KBTBD3: variants seen among roughly 807,000 people sequenced by gnomAD.
KBTBD3 encodes kelch repeat and BTB domain-containing protein 3.
KBTBD3 carries 38 observed loss-of-function variants against 49.6 expected under a neutral mutation model. The observed-to-expected ratio is 0.77, with a 90% CI of 0.59 to 1.00. The LOEUF (loss-of-function observed/expected upper bound fraction) is 1.00. Among genes scored for constraint, KBTBD3 ranks in the 50% least tolerant of loss-of-function variants. KBTBD3 has a pLI of 0.00. For synonymous variants in KBTBD3, 214 were observed against 250.4 expected (o/e 0.85, Z 1.37); for missense variants, 661 against 712.0 (o/e 0.93, Z 0.81).
At chr11:106,071,947 A>C (rs897705515) in intron 2 of KBTBD3, among the ~76,000 whole-genome samples, 1 of 152,186 alleles carries the variant, frequency 6.6e-6, no homozygotes, top group African/African-American at 2.4e-5. Flanking sequence ...ATTCTTGGCA[A>C]AAGATTTATA....
chr11:106,075,333 C>T (rs1050967918), intron 2 of KBTBD3, among the ~76,000 whole-genome samples: 1 of 152,076 alleles, frequency 6.6e-6, no homozygotes, highest in Non-Finnish European at 1.5e-5. Context: ...GAAGTAAAGG[C>T]AGATAGAATA....
intron 2 of KBTBD3, among the ~76,000 whole-genome samples, chr11:106,060,243 C>T (rs926283279): frequency 6.6e-6 from 1 of 151,248 alleles, no homozygotes; most frequent in Non-Finnish European, 1.5e-5. Context: ...CTATTTAATA[C>T]ACATATTCAT....
chr11:106,054,610 A>T (rs1220170249), intron 3 of KBTBD3, among the ~76,000 whole-genome samples, 155 bp from the exon 4 acceptor site: 2 of 150,350 alleles, frequency 1.3e-5, no homozygotes, highest in African/African-American at 5.0e-5. Flanking sequence ...ATAATTATAT[A>T]ATATATTATT....
At chr11:106,070,782 T>C (rs991026434) in intron 2 of KBTBD3, among the ~76,000 whole-genome samples, 1 of 152,122 alleles carries the variant, frequency 6.6e-6, no homozygotes, top group Non-Finnish European at 1.5e-5. Context: ...TTCATTTGTA[T>C]AGCCAAAAGC....
At chr11:106,055,336 A>G (rs1860530021) in intron 3 of KBTBD3, among the ~76,000 whole-genome samples, 1 of 152,138 alleles carries the variant, frequency 6.6e-6, no homozygotes, top group Non-Finnish European at 1.5e-5. Context: ...TTGTGCCAGT[A>G]TTGTCCAGGA....
chr11:106,058,478 G>A (rs1160318285), intron 3 of KBTBD3, among the ~76,000 whole-genome samples: 1 of 151,722 alleles, frequency 6.6e-6, no homozygotes, highest in Non-Finnish European at 1.5e-5. Flanking sequence ...AGGCTGGAGT[G>A]CGGTGGCGCG....
In KBTBD3 at chr11:106,053,249, A is replaced by G; in HGVS notation, c.1440T>C (p.Asn480=). ...GTTCAGACCACTGATCAGTTGTAGC[A>G]TTGTATTTAAAAAAGCAATCAAGTG... ...NPSLDCFFKY[N]ATTDQWSELV... The change falls in exon 4 of 4, where the codon AAT becomes AAC. Residue 480 remains asparagine (N), a synonymous_variant. Coordinates refer to ENST00000531837, the MANE Select transcript of KBTBD3 (RefSeq NM_198439.3). 2 of 1,613,724 alleles carry G rather than the reference A, an allele frequency of 1.2e-6. No individual in the cohort carries two copies. Among genetic ancestry groups the G allele is most frequent in the Middle Eastern group, 1.6e-4 (1 of 6,062 alleles).
chr11:106,067,814 A>G (rs1384523472), intron 2 of KBTBD3, among the ~76,000 whole-genome samples: 1 of 152,226 alleles, frequency 6.6e-6, no homozygotes, highest in Non-Finnish European at 1.5e-5. Flanking sequence ...AGTGGTCTAC[A>G]TATACCAATT....
At chr11:106,060,074 C>T (rs1423104490) in intron 2 of KBTBD3, among the ~76,000 whole-genome samples, 1 of 152,090 alleles carries the variant, frequency 6.6e-6, no homozygotes, top group Admixed American at 6.6e-5. Flanking sequence ...GGTTACATGT[C>T]CAGTATGGTT....
chr11:106,060,314 A>C (rs1486009058), intron 2 of KBTBD3, among the ~76,000 whole-genome samples: 1 of 152,070 alleles, frequency 6.6e-6, no homozygotes, highest in Non-Finnish European at 1.5e-5. Context: ...AAAATATATA[A>C]ATGGATAACT....
At chr11:106,065,621 G>C (rs1006575229) in intron 2 of KBTBD3, among the ~76,000 whole-genome samples, 5 of 152,124 alleles carry the variant, frequency 3.3e-5, no homozygotes, top group African/African-American at 1.2e-4. Context: ...TTAGAGTGGA[G>C]TTAAGTGGAA....
intron 3 of KBTBD3, chr11:106,058,644 G>A (rs1223786801): frequency 4.3e-6 from 2 of 470,140 alleles, no homozygotes; most frequent in Non-Finnish European, 7.3e-6. Flanking sequence ...GGCTGGTCTT[G>A]AAGTCCTGAC....
chr11:106,062,985 CT>C (rs1320857776), intron 2 of KBTBD3, among the ~76,000 whole-genome samples: 4 of 152,180 alleles, frequency 2.6e-5, no homozygotes, highest in Non-Finnish European at 5.9e-5. Flanking sequence ...GTTTTCTCTT[CT>C]TTTCTAATAT....
rs1392995286 is a variant in KBTBD3 at position 106,053,377 on chromosome 11, T to C, written c.1312A>G (p.Ser438Gly). The C allele has an allele frequency of 1.2e-6, 2 of 1,613,362 alleles. No individual in the cohort carries two copies. The highest frequency in any genetic ancestry group is 1.7e-6 in the Non-Finnish European group (2 of 1,179,786). ...NPLSKEWISVSPLPRGIYYPE... is the reference protein window; with the variant it reads ...NPLSKEWISVGPLPRGIYYPE... ...TAGTATATGCCTCTGGGTAATGGGC[T>C]AACAGATATCCATTCTTTGGAAAGA... The change falls in exon 4 of 4, where the codon AGC becomes GGC. Residue 438 changes from serine to glycine, a missense_variant. Coordinates refer to ENST00000531837, the MANE Select transcript of KBTBD3 (RefSeq NM_198439.3).
rs774463079 is a variant in KBTBD3 at position 106,059,084 on chromosome 11, A to C, written c.14T>G (p.Met5Arg). ...TTGATTGAAAGCATATGAATTATCC[A>C]TAGCCAATTCCATATGTCCTTAGAA... MELA[M>R]DNSYAFNQRS... The change falls in exon 3 of 4, where the codon ATG becomes AGG. Residue 5 changes from methionine to arginine, a missense_variant. Met to Arg is a moderately conservative substitution (Grantham distance 91). Transcript: ENST00000531837. 22 of 1,549,020 alleles carry C rather than the reference A, an allele frequency of 1.4e-5. No individual in the cohort carries two copies. The highest frequency in any genetic ancestry group is 4.3e-5 in the African/African-American group (3 of 70,462).
At chr11:106,074,068 T>C (rs1860977449) in intron 2 of KBTBD3, among the ~76,000 whole-genome samples, 1 of 151,692 alleles carries the variant, frequency 6.6e-6, no homozygotes, top group South Asian at 2.1e-4. Context: ...AAAAACAACA[T>C]AGACAAGGTC....
chr11:106,074,350 C>T (rs1282901968), intron 2 of KBTBD3, among the ~76,000 whole-genome samples: 1 of 152,188 alleles, frequency 6.6e-6, no homozygotes, highest in Non-Finnish European at 1.5e-5. Context: ...GTTATCGTCT[C>T]AACCCACTAC....
Position 106,051,428 on chromosome 11 carries a change from T to C in KBTBD3, c.*1422A>G, listed in dbSNP as rs1426415415. ...TGAAAAATACATTTGGAACTTATCG[T>C]TGCATAAATTTATATGATAAAATAA... On this transcript the variant is annotated 3_prime_UTR_variant, in exon 4 of 4. Transcript: ENST00000531837. 6.6e-6 allele frequency: 1 copy of C among 151,950 alleles called. No homozygotes were observed. Among genetic ancestry groups the C allele is most frequent in the Non-Finnish European group, 1.5e-5 (1 of 67,872 alleles). The allele number at this position is 151,950 out of a possible 1,614,324, so 9.4% of individuals were successfully genotyped here. A position where few individuals can be genotyped will look rare whatever the true frequency, so the allele number is the denominator to read the frequency against.
chr11:106,068,143 C>T (rs1303206548), intron 2 of KBTBD3, among the ~76,000 whole-genome samples: 1 of 151,588 alleles, frequency 6.6e-6, no homozygotes, highest in Non-Finnish European at 1.5e-5. Context: ...GACAAATCCA[C>T]TATTATAGCT....
Sources: gnomAD v4.1 joint callset for allele counts (sites outside exome capture counted in the v4.1 genomes callset) on GRCh38, gnomAD v4.1.1 for gene constraint, MANE v1.5 for transcripts, NCBI Gene and HGNC (gene_info 2026-07-23, HGNC 2026-07-21) for gene names.